CTU2: variants seen among roughly 807,000 people sequenced by gnomAD.
The protein encoded by CTU2 is cytosolic thiouridylase subunit 2.
A neutral mutation model predicts 64.1 loss-of-function variants in CTU2; 80 were observed. That is an observed-to-expected ratio of 1.25 (90% CI 1.04 to 1.50). The LOEUF (loss-of-function observed/expected upper bound fraction) is 1.50, where lower values mean the gene tolerates loss of function less well. Among genes scored for constraint, CTU2 ranks in the 40% most tolerant of loss-of-function variants. The pLI is 0.00. For synonymous variants in CTU2, 482 were observed against 285.3 expected, an observed-to-expected ratio of 1.69 and a Z score of -6.95; for missense variants, 1,110 against 690.2, an observed-to-expected ratio of 1.61 and a Z score of -6.81.
chr16:88,713,550 A>G, intron 8 of CTU2, 97 bp from the exon 9 acceptor site: 4 of 1,438,282 alleles, frequency 2.8e-6, no homozygotes, highest in Non-Finnish European at 3.8e-6. Context: ...GCGGCCTCGG[A>G]TGGTGGTGGG....
chr16:88,711,912 T>A (rs1339681821), intron 5 of CTU2: 2 of 604,190 alleles, frequency 3.3e-6, no homozygotes, highest in African/African-American at 3.7e-5. Flanking sequence ...GTTCCTGGAA[T>A]CTAAGAACAT....
intron 2 of CTU2, chr16:88,709,724 G>C (rs1281088169): frequency 1.7e-6 from 1 of 581,010 alleles, no homozygotes; most frequent in African/African-American, 1.9e-5. Flanking sequence ...CCTGGTCGTG[G>C]GAGGGGCCGG....
rs773136193 is a variant in CTU2 at position 88,711,617 on chromosome 16, T to C, written c.283-18T>C. 3.8e-6 allele frequency: 6 copies of C among 1,587,090 alleles called. No homozygotes were observed. The highest frequency in any genetic ancestry group is 2.3e-5 in the South Asian group (2 of 87,574). On this transcript the variant is annotated intron_variant, in intron 4 of 14. Coordinates refer to ENST00000453996, the MANE Select transcript of CTU2 (RefSeq NM_001012759.3). ...GGCTTATGGCTGGGGGCTGAGTCCC[T>C]GCTGCTTCTCCCTCTAGGGCCTGAG...
At position 88,712,375 on chromosome 16, in the gene CTU2, T is replaced by G; in HGVS notation, c.445T>G (p.Leu149Val). 4 of 1,604,258 alleles carry G rather than the reference T, an allele frequency of 2.5e-6. No homozygotes were observed. Among genetic ancestry groups the G allele is most frequent in the Non-Finnish European group, 3.4e-6 (4 of 1,174,368 alleles). Reference sequence around the variant, plus strand: ...TGGGTTCCCATGGCATGTGGTGGCCTTAGAGGAGGTGGGAGGGCTGTCCCT... The same window carrying G: ...TGGGTTCCCATGGCATGTGGTGGCCGTAGAGGAGGTGGGAGGGCTGTCCCT... Reference protein sequence around the residue: ...ATGFPWHVVALEEVFSLPPSV... With the variant: ...ATGFPWHVVAVEEVFSLPPSV... The change falls in exon 6 of 15, where the codon TTA becomes GTA. Residue 149 changes from leucine to valine, a missense_variant. Leu to Val is a conservative substitution (Grantham distance 32). Coordinates refer to ENST00000453996, the MANE Select transcript of CTU2 (RefSeq NM_001012759.3).
chr16:88,712,822 C>A lies in CTU2; in HGVS notation c.654C>A (p.Ala218=). 6.3e-7 allele frequency: 1 copy of A among 1,598,490 alleles called. No individual in the cohort carries two copies. The highest frequency in any genetic ancestry group is 8.5e-7 in the Non-Finnish European group (1 of 1,173,276). Reference sequence around the variant, plus strand: ...CCCAGAACCTGGCAAGACCGCCTGCCCCTGCCCAGACTGAGGCTCTTTCCC... The same window carrying A: ...CCCAGAACCTGGCAAGACCGCCTGCACCTGCCCAGACTGAGGCTCTTTCCC... ...LDPQNLARPP[A]PAQTEALSQL... Residue 218 remains alanine, a synonymous_variant, in exon 7 of 15, where the codon GCC becomes GCA. Transcript: ENST00000453996.
chr16:88,712,493 T>G, intron 6 of CTU2, 110 bp downstream of exon 6: 2 of 1,435,928 alleles, frequency 1.4e-6, no homozygotes, highest in Admixed American at 2.2e-5. Context: ...GGGCTGTCGG[T>G]GGGGGGTGGG....
rs1911648967 is a variant in CTU2, at chr16:88,714,185, G to T, written c.1055G>T (p.Arg352Met). 6.2e-7 allele frequency: 1 copy of T among 1,612,536 alleles called. No homozygotes were observed. Among genetic ancestry groups the T allele is most frequent in the African/African-American group, 1.3e-5 (1 of 74,876 alleles). ...IHRLMEAFIL[R>M]LQTQFPSTVS... ...CGGCTGATGGAGGCCTTCATCCTCA[G>T]GCTGCAGACCCAGTTCCCCTCCACT... The change falls in exon 10 of 15, where the codon AGG becomes ATG. Residue 352 changes from arginine to methionine, a missense_variant. Coordinates refer to ENST00000453996, the MANE Select transcript of CTU2 (RefSeq NM_001012759.3).
chr16:88,707,350 C>T, intron 2 of CTU2, 140 bp downstream of exon 2: 2 of 806,168 alleles, frequency 2.5e-6, no homozygotes, highest in Non-Finnish European at 2.1e-6. Context: ...TCCCTCGTGC[C>T]CCTGGTGTTG....
intron 5 of CTU2, chr16:88,711,928 G>A (rs1911351944): frequency 3.3e-6 from 2 of 603,910 alleles, no homozygotes; most frequent in Admixed American, 2.9e-5. Flanking sequence ...AACATCCTTA[G>A]AAAGTCGGGG....
chr16:88,708,882 C>A (rs1447552702), intron 2 of CTU2: 2 of 152,210 alleles, frequency 1.3e-5, no homozygotes, highest in Admixed American at 6.5e-5. Context: ...CACCCCTAGA[C>A]AATTTGACTT....
intron 4 of CTU2, 199 bp downstream of exon 4, chr16:88,710,481 C>T (rs886505367): frequency 1.7e-6 from 1 of 588,268 alleles, no homozygotes; most frequent in African/African-American, 1.9e-5. Flanking sequence ...TGTGTGCGGC[C>T]CACTCTCAGA....
intron 8 of CTU2, 22 bp downstream of exon 8, chr16:88,713,469 C>A: frequency 6.4e-7 from 1 of 1,565,054 alleles, no homozygotes; most frequent in Non-Finnish European, 8.6e-7. Context: ...CCTGGGTGTT[C>A]AGGAGGCCCA....
chr16:88,713,338 G>A lies in CTU2; in HGVS notation c.764G>A (p.Arg255Gln), dbSNP rs143576129. ...LRTHLILHMA[R>Q]AHGYSKVMTG... ...ACCCACCTGATCCTCCACATGGCCC[G>A]AGCCCACGGCTACTCCAAGGTCATG... The change falls in exon 8 of 15, where the codon CGA becomes CAA. Residue 255 changes from arginine to glutamine, a missense_variant. Physicochemically the swap from Arg to Gln is conservative, Grantham distance 43 (BLOSUM62 1). Transcript: ENST00000453996. 3.3e-5 allele frequency: 52 copies of A among 1,592,844 alleles called. No homozygotes were observed. Among genetic ancestry groups the A allele is most frequent in the Non-Finnish European group, 3.9e-5 (46 of 1,171,714 alleles).
intron 2 of CTU2, 63 bp from the exon 3 acceptor site, chr16:88,709,875 C>T: frequency 1.4e-6 from 2 of 1,388,688 alleles, no homozygotes; most frequent in South Asian, 1.2e-5. Flanking sequence ...CCTGGCAGCG[C>T]CTCAGGACGC....
chr16:88,708,216 G>A (rs1034948783), intron 2 of CTU2, among the ~76,000 whole-genome samples: 4 of 152,226 alleles, frequency 2.6e-5, no homozygotes, highest in Admixed American at 2.6e-4. Flanking sequence ...CTGTATGCTA[G>A]GCCCTTGTGG....
intron 2 of CTU2, among the ~76,000 whole-genome samples, chr16:88,707,962 C>T (rs928698594): frequency 6.6e-6 from 1 of 152,110 alleles, no homozygotes; most frequent in African/African-American, 2.4e-5. Flanking sequence ...AGGTGCCTGC[C>T]ATCATGCCCG....
At position 88,712,882 on chromosome 16, in the gene CTU2, G is replaced by A. The variant is rs758059971; in HGVS notation, c.714G>A (p.Lys238=). ...LFCSVRTLTA[K]EELLQTLRTH... Reference sequence around the variant, plus strand: ...GCTCAGTGAGGACACTGACTGCCAAGGAGGAGCTTCTGCAGACCCTGCGGT... The same window carrying A: ...GCTCAGTGAGGACACTGACTGCCAAAGAGGAGCTTCTGCAGACCCTGCGGT... The change falls in exon 7 of 15, where the codon AAG becomes AAA. Residue 238 remains lysine (K), a synonymous_variant. Coordinates refer to ENST00000453996, the MANE Select transcript of CTU2 (RefSeq NM_001012759.3). The A allele has an allele frequency of 1.3e-6, 2 of 1,529,916 alleles. No homozygotes were observed. The highest frequency in any genetic ancestry group is 1.8e-6 in the Non-Finnish European group (2 of 1,139,740). The allele number at this position is 1,529,916 out of a possible 1,614,324, so 94.8% of individuals were successfully genotyped here.
chr16:88,714,368 A>G lies in CTU2; in HGVS notation c.1098-15A>G, dbSNP rs1182400241. On this transcript the variant is annotated splice_polypyrimidine_tract_variant and intron_variant, in intron 10 of 14. Coordinates refer to ENST00000453996, the MANE Select transcript of CTU2 (RefSeq NM_001012759.3). Reference sequence around the variant, plus strand: ...CCCGTGTGATTCACCTGCTCCTCCCACAATCCGGCCACAGGACAAGTGAGA... The same window carrying G: ...CCCGTGTGATTCACCTGCTCCTCCCGCAATCCGGCCACAGGACAAGTGAGA... The G allele has an allele frequency of 1.2e-6, 2 of 1,612,072 alleles. No homozygotes were observed. Among genetic ancestry groups the G allele is most frequent in the Admixed American group, 3.3e-5 (2 of 60,018 alleles).
Position 88,712,537 on chromosome 16 carries a change from C to T in CTU2, c.454-85C>T, listed in dbSNP as rs866712943. 486 of 1,538,622 alleles carry T rather than the reference C, an allele frequency of 3.2e-4. No homozygotes were observed. The Middle Eastern group carries it at 3.8e-3, about 12-fold the overall frequency. On this transcript the variant is annotated intron_variant, in intron 6 of 14. Coordinates refer to ENST00000453996, the MANE Select transcript of CTU2 (RefSeq NM_001012759.3). ...GCCCGTGCCCCAGCCTCACTGCCGT[C>T]TCCCGCATCCCGGAAGGTGGGGCTG...
Sources: gnomAD v4.1 joint callset for allele counts (sites outside exome capture counted in the v4.1 genomes callset) on GRCh38, gnomAD v4.1.1 for gene constraint, MANE v1.5 for transcripts, NCBI Gene and HGNC (gene_info 2026-07-23, HGNC 2026-07-21) for gene names.